MYH15: variants seen among roughly 807,000 people sequenced by gnomAD.
MYH15 encodes myosin heavy chain 15, also known as myosin-15.
MYH15 carries 227 observed loss-of-function variants against 240.5 expected under a neutral mutation model. The ratio of observed to expected loss-of-function variants is 0.94; its 90% CI spans 0.85 to 1.05. The LOEUF is 1.05. MYH15 is among the 50% of genes least tolerant of loss of function. The pLI is 0.00. For missense variants in MYH15, 2,217 were observed against 2,247.5 expected, an observed-to-expected ratio of 0.99 and a Z score of 0.27; for synonymous variants, 785 against 796.7, an observed-to-expected ratio of 0.99 and a Z score of 0.25.
chr3:108,460,840 C>T (rs1191012005), intron 16 of MYH15, among the ~76,000 whole-genome samples: 1 of 151,796 alleles, frequency 6.6e-6, no homozygotes, highest in East Asian at 1.9e-4. Flanking sequence ...TTAAGTGCAG[C>T]TGTGTTATAG....
intron 21 of MYH15, among the ~76,000 whole-genome samples, chr3:108,445,373 CAAATT>C (rs2082918559): frequency 6.6e-6 from 1 of 151,720 alleles, no homozygotes. Flanking sequence ...AGAGAGATAT[CAAATT>C]AAAGCACATC....
Position 108,510,452 on chromosome 3 carries a change from C to A in MYH15, c.79G>T (p.Ala27Ser), listed in dbSNP as rs1266423157. 1 of 1,610,826 alleles carries A rather than the reference C, an allele frequency of 6.2e-7. No individual in the cohort carries two copies. Among genetic ancestry groups the A allele is most frequent in the Non-Finnish European group, 8.5e-7 (1 of 1,178,966 alleles). The change falls in exon 1 of 41, where the codon GCC (alanine) becomes TCC (serine). Residue 27 changes from alanine (A) to serine (S), a missense_variant. Ala to Ser is a moderately conservative substitution (Grantham distance 99). Transcript: ENST00000693548. ...CCACCACATGTCTCACCATCCAAGG[C>A]TGTGGCCTGTAGTAGAAGCAGCTCA... ...EAELLLLQAT[A>S]LDGKKKCWIP...
intron 1 of MYH15, among the ~76,000 whole-genome samples, chr3:108,528,948 A>G (rs2083693602): frequency 6.6e-6 from 1 of 152,220 alleles, no homozygotes; most frequent in Admixed American, 6.5e-5. Context: ...AATTCAGTGG[A>G]AAATTTCAGC....
In MYH15 at chr3:108,456,875, C is replaced by G; in HGVS notation, c.2029G>C (p.Asp677His). 1 of 1,608,184 alleles carries G rather than the reference C, an allele frequency of 6.2e-7. No individual in the cohort carries two copies. The highest frequency in any genetic ancestry group is 8.5e-7 in the Non-Finnish European group (1 of 1,176,140). The change falls in exon 19 of 41, where the codon GAC becomes CAC. Residue 677 changes from aspartate (D) to histidine (H), a missense_variant. Transcript: ENST00000693548. ...AACTGCTGTAGAACCAAGTAAGGGT[C>G]CAGTATACCTGGAAAAAAAAAAGAG... ...PNVNKIPGILDPYLVLQQLRC... is the reference protein window; with the variant it reads ...PNVNKIPGILHPYLVLQQLRC...
chr3:108,453,963 A>G (rs1283057948), intron 21 of MYH15, 43 bp downstream of exon 21: 4 of 1,579,218 alleles, frequency 2.5e-6, no homozygotes, highest in Non-Finnish European at 3.5e-6. Context: ...GTTGAGGCAC[A>G]CTATTACCCT....
At chr3:108,530,627 C>G (rs139378618), upstream of MYH15, among the ~76,000 whole-genome samples, 102 of 152,204 alleles carry the variant, frequency 6.7e-4, no homozygotes, top group East Asian at 1.5e-3. Flanking sequence ...AAGATGTGTA[C>G]TCTGGTGGGG....
intron 8 of MYH15, 76 bp downstream of exon 8, chr3:108,493,038 G>GAAGC (rs2083364765): frequency 1.7e-6 from 2 of 1,172,390 alleles, no homozygotes; most frequent in African/African-American, 1.6e-5. Flanking sequence ...AGGAAGGAAG[G>GAAGC]AAGGAAGGAA....
At position 108,476,460 on chromosome 3, in the gene MYH15, G is replaced by A. The variant is rs760697904; in HGVS notation, c.1170C>T (p.Cys390=). Residue 390 remains cysteine (C), a synonymous_variant, in exon 12 of 41, where the codon TGC becomes TGT. Coordinates refer to ENST00000693548, the MANE Select transcript of MYH15 (RefSeq NM_014981.3). ...MGINSSELVK[C]LIHPRIKVGN... ...CAACTTTGATTCTAGGATGGATCAAGCACTTTACCAACTCAGAGGAGTTAA... is the reference window on the plus strand; with the variant it reads ...CAACTTTGATTCTAGGATGGATCAAACACTTTACCAACTCAGAGGAGTTAA... The A allele has an allele frequency of 1.9e-6, 3 of 1,613,416 alleles. No individual in the cohort carries two copies. The highest frequency in any genetic ancestry group is 2.5e-6 in the Non-Finnish European group (3 of 1,179,552).
chr3:108,542,178 T>C, the MYH15 span, among the ~76,000 whole-genome samples: 10 of 152,138 alleles, frequency 6.6e-5, 1 homozygote, highest in South Asian at 4.1e-4. Context: ...CGTGTGTCCA[T>C]TGAGTCCCCT....
chr3:108,428,349 A>G, intron 27 of MYH15, 143 bp downstream of exon 27: 2 of 1,027,558 alleles, frequency 1.9e-6, no homozygotes, highest in South Asian at 1.6e-5. Flanking sequence ...GGCCTGATCT[A>G]TTCCGTCCAA....
At chr3:108,408,143 T>C in intron 32 of MYH15, 137 bp downstream of exon 32, 1 of 953,776 alleles carries the variant, frequency 1.0e-6, no homozygotes, top group Non-Finnish European at 1.5e-6. Flanking sequence ...ATTAAAATTA[T>C]GCATTTGGCA....
intron 15 of MYH15, among the ~76,000 whole-genome samples, chr3:108,463,960 CA>C (rs148443145): frequency 2.3e-4 from 34 of 144,768 alleles, no homozygotes; most frequent in Admixed American, 9.0e-4. Context: ...AGTGAACATT[CA>C]AAAAAAAAAC....
intron 4 of MYH15, 112 bp from the exon 5 acceptor site, chr3:108,499,594 G>C: frequency 9.8e-7 from 1 of 1,017,736 alleles, no homozygotes; most frequent in Non-Finnish European, 1.5e-6. Flanking sequence ...CAAGGGAAAG[G>C]ATTAGCATCA....
At chr3:108,441,358 C>T in intron 22 of MYH15, 98 bp from the exon 23 acceptor site, 1 of 1,386,320 alleles carries the variant, frequency 7.2e-7, no homozygotes, top group Non-Finnish European at 1.0e-6. Context: ...TAATTGCCTG[C>T]CCTCTGCCCA....
rs756918351 is a variant in MYH15, at chr3:108,381,573, T to C, written c.5767-14A>G. 2.7e-5 allele frequency: 44 copies of C among 1,613,256 alleles called. No homozygotes were observed. In the Admixed American group the frequency reaches 5.7e-4, roughly 21 times the overall value. On this transcript the variant is annotated splice_polypyrimidine_tract_variant and intron_variant, in intron 40 of 40. Coordinates refer to ENST00000693548, the MANE Select transcript of MYH15 (RefSeq NM_014981.3). ...TTCTTCTTGAACCTGAAAAACAGAA[T>C]GTCAGTGTGTTCTGTGAATTTCCTG...
At chr3:108,414,476 C>T in intron 29 of MYH15, 48 bp from the exon 30 acceptor site, 3 of 1,519,162 alleles carry the variant, frequency 2.0e-6, no homozygotes. Flanking sequence ...CCATGAGCAA[C>T]ACAAGTCTTG....
the MYH15 span, among the ~76,000 whole-genome samples, chr3:108,542,773 C>T: frequency 2.6e-5 from 4 of 152,110 alleles, no homozygotes; most frequent in African/African-American, 9.7e-5. Context: ...ATTCAGCTCC[C>T]ACTTATAACT....
At chr3:108,467,516 C>T (rs2083130407) in intron 14 of MYH15, among the ~76,000 whole-genome samples, 2 of 151,948 alleles carry the variant, frequency 1.3e-5, no homozygotes. Context: ...ACTCAAAAAC[C>T]AGTGAATGAA....
chr3:108,527,248 AT>A (rs2083679683), intron 1 of MYH15, among the ~76,000 whole-genome samples: 1 of 152,114 alleles, frequency 6.6e-6, no homozygotes, highest in Admixed American at 6.6e-5. Flanking sequence ...AAGCAGGAGG[AT>A]TCTGTTTAGC....
Sources: allele counts gnomAD v4.1 joint callset (sites outside exome capture counted in the v4.1 genomes callset), GRCh38; gene constraint gnomAD v4.1.1; transcripts MANE v1.5; gene names NCBI Gene and HGNC (gene_info 2026-07-23, HGNC 2026-07-21).